Variants in CEP128 observed in about 807,000 individuals in gnomAD.
CEP128 encodes centrosomal protein 128.
Under a neutral mutation model 156.7 loss-of-function variants are expected in CEP128, and 132 were observed. The observed-to-expected ratio is 0.84, with a 90% confidence interval of 0.73 to 0.97. CEP128 has a LOEUF of 0.97. CEP128 is among the 50% of genes least tolerant of loss of function. The pLI is 0.00. For synonymous variants in CEP128, 469 were observed against 448.9 expected, an observed-to-expected ratio of 1.04 and a Z score of -0.57; for missense variants, 1,252 against 1,281.9, an observed-to-expected ratio of 0.98 and a Z score of 0.36.
chr14:80,642,742 A>G (rs1414205113), intron 19 of CEP128, among the ~76,000 whole-genome samples: 1 of 152,046 alleles, frequency 6.6e-6, no homozygotes, highest in East Asian at 1.9e-4. Flanking sequence ...TTAAAAAGTT[A>G]TTAGAAAACT....
intron 19 of CEP128, among the ~76,000 whole-genome samples, chr14:80,643,661 G>A (rs529044384): frequency 1.3e-4 from 20 of 152,112 alleles, no homozygotes; most frequent in Admixed American, 7.2e-4. Context: ...AGTGAGCTGA[G>A]ATCACGCCAC....
At chr14:80,842,687 C>G (rs770798202) in intron 9 of CEP128, among the ~76,000 whole-genome samples, 1 of 151,526 alleles carries the variant, frequency 6.6e-6, no homozygotes, top group Admixed American at 6.6e-5. Flanking sequence ...TGACTTAAAT[C>G]AAGCAACTTA....
intron 19 of CEP128, among the ~76,000 whole-genome samples, chr14:80,647,037 GTATATATATATATATATA>G (rs60895994): frequency 0.018 from 1,235 of 69,556 alleles, 46 homozygotes; most frequent in African/African-American, 0.058. Context: ...ATGTGTGCAT[GTATATATATATATATATA>G]TATATATATA....
chr14:80,829,361 A>T (rs767433988), intron 13 of CEP128, among the ~76,000 whole-genome samples: 8 of 152,236 alleles, frequency 5.3e-5, no homozygotes, highest in Non-Finnish European at 8.8e-5. Flanking sequence ...AAAGAAATTT[A>T]TTCTTAGAAG....
intron 20 of CEP128, among the ~76,000 whole-genome samples, chr14:80,573,862 G>A (rs1249808304): frequency 6.6e-6 from 1 of 152,034 alleles, no homozygotes; most frequent in Non-Finnish European, 1.5e-5. Flanking sequence ...AGTGGCAAAG[G>A]GTCGCCCAAC....
At chr14:80,714,301 C>G (rs2619674) in intron 19 of CEP128, among the ~76,000 whole-genome samples, 42,151 of 151,656 alleles carry the variant, frequency 0.28, 6,110 homozygotes, top group Non-Finnish European at 0.33. Flanking sequence ...CAAGGCAAAA[C>G]ACACACACAT....
chr14:80,561,896 C>CTATATATATATATATA (rs145642470), intron 20 of CEP128, among the ~76,000 whole-genome samples: 5,019 of 141,944 alleles, frequency 0.035, 123 homozygotes, highest in Admixed American at 0.039. Flanking sequence ...ATACGAAGGT[C>CTATATATATATATATA]TATATATATA....
intron 8 of CEP128, among the ~76,000 whole-genome samples, chr14:80,884,257 A>G (rs78807295): frequency 0.012 from 1,898 of 152,342 alleles, 17 homozygotes; most frequent in Non-Finnish European, 0.018. Context: ...AAGCTTGCAC[A>G]CAGCGAAGTT....
Position 80,578,869 on chromosome 14 carries a change from C to T in CEP128, c.2856+1505G>A, listed in dbSNP as rs376385252. Among the ~76,000 whole-genome samples the T allele has an allele frequency of 2.3e-4, 35 of 152,252 alleles. 4 individuals are homozygous for T. Among genetic ancestry groups the T allele is most frequent in the Admixed American group, 8.5e-4 (13 of 15,274 alleles). ...TAATATCAGGCACTAGTTACCATTACAAAGTGTCAACATTTAACTCTTCTG... is the reference window on the plus strand; with the variant it reads ...TAATATCAGGCACTAGTTACCATTATAAAGTGTCAACATTTAACTCTTCTG... On this transcript the variant is annotated intron_variant, in intron 20 of 24. Coordinates refer to ENST00000555265, the MANE Select transcript of CEP128 (RefSeq NM_152446.5).
At chr14:80,786,003 G>A (rs1412583838) in intron 14 of CEP128, among the ~76,000 whole-genome samples, 1 of 152,104 alleles carries the variant, frequency 6.6e-6, no homozygotes, top group Non-Finnish European at 1.5e-5. Context: ...AGGGAAGCAT[G>A]CAGATACAAT....
intron 2 of CEP128, among the ~76,000 whole-genome samples, chr14:80,927,097 A>C (rs1220147421): frequency 6.6e-6 from 1 of 152,210 alleles, no homozygotes; most frequent in Non-Finnish European, 1.5e-5. Context: ...GGCTAGACCC[A>C]GAGCAGCAGC....
chr14:80,678,064 G>GTATATATATA (rs1274703937), intron 19 of CEP128, among the ~76,000 whole-genome samples: 4 of 27,446 alleles, frequency 1.5e-4, no homozygotes, highest in Non-Finnish European at 3.2e-4. Flanking sequence ...ATATATATAT[G>GTATATATATA]TATATATATA....
In CEP128 at chr14:80,792,807, C is replaced by A; in HGVS notation, c.1513G>T (p.Glu505Ter). The A allele has an allele frequency of 1.2e-6, 2 of 1,614,174 alleles. No individual in the cohort carries two copies. Among genetic ancestry groups the A allele is most frequent in the Non-Finnish European group, 1.7e-6 (2 of 1,180,028 alleles). ...TCATCAACAGTTTCAGATTGTTTCT[C>A]CAACGCTCGTTCTAACTTCTTATGC... ...LKHKKLERALEKQSETVDELT... is the reference protein window; with the variant it reads ...LKHKKLERAL Residue 505 changes from glutamate (E) to a stop codon, truncating the protein, a stop_gained, in exon 14 of 25, where the codon GAG (glutamate) becomes TAG (stop). Coordinates refer to ENST00000555265, the MANE Select transcript of CEP128 (RefSeq NM_152446.5). LOFTEE classifies it high-confidence loss of function.
intron 19 of CEP128, among the ~76,000 whole-genome samples, chr14:80,710,071 G>A (rs1360227276): frequency 6.6e-6 from 1 of 151,406 alleles, no homozygotes; most frequent in Non-Finnish European, 1.5e-5. Context: ...ATGAGGATAT[G>A]AGGATACAAA....
At chr14:80,550,649 C>T (rs1890173137) in intron 21 of CEP128, among the ~76,000 whole-genome samples, 1 of 151,114 alleles carries the variant, frequency 6.6e-6, no homozygotes, top group South Asian at 2.1e-4. Context: ...ATACTTCATC[C>T]TTCTCTGTAA....
intron 19 of CEP128, among the ~76,000 whole-genome samples, chr14:80,654,020 G>C (rs1386341843): frequency 6.6e-6 from 1 of 152,044 alleles, no homozygotes; most frequent in South Asian, 2.1e-4. Context: ...ATTTCTTATA[G>C]AAGGTCATGG....
At chr14:80,521,582 T>C (rs1957022022) in intron 23 of CEP128, among the ~76,000 whole-genome samples, 1 of 152,220 alleles carries the variant, frequency 6.6e-6, no homozygotes, top group South Asian at 2.1e-4. Context: ...CAGGTTAGTC[T>C]TGATCACTTC....
chr14:80,791,583 T>C (rs751855354), intron 14 of CEP128, among the ~76,000 whole-genome samples: 2 of 152,168 alleles, frequency 1.3e-5, no homozygotes, highest in Non-Finnish European at 2.9e-5. Flanking sequence ...ATTGAGCCAG[T>C]TGCCAGATCA....
intron 15 of CEP128, among the ~76,000 whole-genome samples, chr14:80,780,381 T>C (rs1901040783): frequency 1.3e-5 from 2 of 152,146 alleles, no homozygotes; most frequent in African/African-American, 4.8e-5. Flanking sequence ...TAAAATGGCA[T>C]GAAGTGGTGA....
Sources: gnomAD v4.1 joint callset for allele counts (sites outside exome capture counted in the v4.1 genomes callset) on GRCh38, gnomAD v4.1.1 for gene constraint, MANE v1.5 for transcripts, NCBI Gene and HGNC (gene_info 2026-07-23, HGNC 2026-07-21) for gene names.